The following LY75 variants were observed in gnomAD, a reference collection of about 807,000 sequenced individuals.
LY75 encodes the protein C-type lectin domain family 13 member B.
A neutral mutation model predicts 231.7 loss-of-function variants in LY75; 185 were observed. That is an observed-to-expected ratio of 0.80 (90% CI 0.71 to 0.90). LY75 has a LOEUF of 0.90. Among genes scored for constraint, LY75 ranks in the 40% least tolerant of loss-of-function variants. The pLI, the probability that LY75 is intolerant of heterozygous loss-of-function variation, is 0.00. For missense variants in LY75, 1,947 were observed against 2,050.2 expected, an observed-to-expected ratio of 0.95 and a Z score of 0.97; for synonymous variants, 668 against 689.0, an observed-to-expected ratio of 0.97 and a Z score of 0.48.
intron 1 of LY75, 106 bp downstream of exon 1, chr2:159,904,483 A>T: frequency 8.0e-7 from 1 of 1,246,970 alleles, no homozygotes; most frequent in East Asian, 3.2e-5. Context: ...ACAGCAAAGC[A>T]GCCGTGACCT....
At chr2:159,851,975 CA>C (rs1259883625) in intron 21 of LY75, among the ~76,000 whole-genome samples, 1 of 152,180 alleles carries the variant, frequency 6.6e-6, no homozygotes, top group Non-Finnish European at 1.5e-5. Context: ...TTAGTAGCAA[CA>C]AAATAGAAAT....
At chr2:159,813,608 A>G (rs1683031581) in intron 31 of LY75, among the ~76,000 whole-genome samples, 1 of 152,128 alleles carries the variant, frequency 6.6e-6, no homozygotes, top group African/African-American at 2.4e-5. Flanking sequence ...AGCCTTTGTC[A>G]TCACGTGGAC....
chr2:159,852,415 T>G lies in LY75; in HGVS notation c.2744-75A>C, dbSNP rs1434628360. The G allele has an allele frequency of 7.6e-6, 11 of 1,446,520 alleles. No homozygotes were observed. In the African/African-American group the frequency reaches 2.0e-4, roughly 26 times the overall value. 89.6% of individuals were successfully genotyped at this position (1,446,520 alleles called of 1,614,324 possible). On this transcript the variant is annotated intron_variant, in intron 20 of 34. Transcript: ENST00000263636. Reference sequence around the variant, plus strand: ...ACATTTTTATTTTGTTTTGTGTGTTTTTTTTTGTTTTTTTTTTTTTGAGAC... The same window carrying G: ...ACATTTTTATTTTGTTTTGTGTGTTGTTTTTTGTTTTTTTTTTTTTGAGAC...
intron 31 of LY75, among the ~76,000 whole-genome samples, chr2:159,814,690 A>T (rs1157709980): frequency 6.6e-6 from 1 of 151,268 alleles, no homozygotes; most frequent in Non-Finnish European, 1.5e-5. Context: ...TAAGAAAAGA[A>T]AAAAGAAAAG....
rs1207584829 is a variant in LY75, at chr2:159,804,748, T to C, written c.*296A>G. Reference sequence around the variant, plus strand: ...GTTAAAAATTCTATTAAAATATACATATCCTAGTTACCAATCACATTCATA... The same window carrying C: ...GTTAAAAATTCTATTAAAATATACACATCCTAGTTACCAATCACATTCATA... On this transcript the variant is annotated 3_prime_UTR_variant, in exon 35 of 35. Coordinates refer to ENST00000263636, the MANE Select transcript of LY75 (RefSeq NM_002349.4). The C allele has an allele frequency of 5.8e-6, 1 of 171,224 alleles. No homozygotes were observed. Among genetic ancestry groups the C allele is most frequent in the African/African-American group, 2.4e-5 (1 of 42,186 alleles). 10.6% of individuals were successfully genotyped at this position (171,224 alleles called of 1,614,324 possible).
Position 159,807,857 on chromosome 2 carries a change from T to TA in LY75, c.4822+591dup, listed in dbSNP as rs999013269. 479 of 984,236 alleles carry TA rather than the reference T, an allele frequency of 4.9e-4. 2 individuals carry two copies. The African/African-American group carries it at 7.9e-3, about 16-fold the overall frequency. 61.0% of individuals were successfully genotyped at this position (984,236 alleles called of 1,614,324 possible). On this transcript the variant is annotated intron_variant, in intron 33 of 34. Coordinates refer to ENST00000263636, the MANE Select transcript of LY75 (RefSeq NM_002349.4). ...AAACCCTGTATCTACTATTTCGTAT[T>TA]AAAAAATCCTTCCACAAATTTTCTT...
rs545499741 is a variant in LY75 at position 159,878,363 on chromosome 2, G to A, written c.1735C>T (p.Arg579Trp). Residue 579 changes from arginine (R) to tryptophan (W), a missense_variant, in exon 11 of 35, where the codon CGG (arginine) becomes TGG (tryptophan). Arg to Trp is a moderately radical substitution (Grantham distance 101). Coordinates refer to ENST00000263636, the MANE Select transcript of LY75 (RefSeq NM_002349.4). ...TTCCAGTTGGAAAAGGTTACAGCCC[G>A]CCTTCTTCCACCAACAGTTGCCCAG... ...YNWATVGGRR[R>W]AVTFSNWNFL... The A allele has an allele frequency of 2.0e-5, 32 of 1,613,856 alleles. No individual in the cohort carries two copies. Among genetic ancestry groups the A allele is most frequent in the Admixed American group, 1.2e-4 (7 of 59,982 alleles).
At chr2:159,863,273 G>A (rs944507562) in intron 14 of LY75, among the ~76,000 whole-genome samples, 5 of 152,142 alleles carry the variant, frequency 3.3e-5, no homozygotes, top group East Asian at 3.9e-4. Flanking sequence ...GTCACCCTCC[G>A]AGTATCTTAA....
intron 10 of LY75, 67 bp from the exon 11 acceptor site, chr2:159,878,560 T>C: frequency 6.2e-7 from 1 of 1,612,084 alleles, no homozygotes; most frequent in Non-Finnish European, 8.5e-7. Context: ...ATGCACCTTT[T>C]ACTTAGGAAG....
At chr2:159,880,077 G>A (rs1398585435) in intron 8 of LY75, among the ~76,000 whole-genome samples, 22 of 152,118 alleles carry the variant, frequency 1.4e-4, no homozygotes, top group Admixed American at 1.4e-3. Context: ...TTTAAATAGA[G>A]CATCAAATGT....
At chr2:159,814,729 A>G (rs927365037) in intron 31 of LY75, among the ~76,000 whole-genome samples, 2 of 151,620 alleles carry the variant, frequency 1.3e-5, no homozygotes, top group African/African-American at 2.4e-5. Flanking sequence ...AGAAAAGAAA[A>G]GAAACTCTCT....
chr2:159,815,789 A>C (rs988643249), intron 30 of LY75, among the ~76,000 whole-genome samples: 2 of 152,184 alleles, frequency 1.3e-5, no homozygotes, highest in Non-Finnish European at 2.9e-5. Context: ...AGAACTTTAA[A>C]CTTACAGACA....
chr2:159,848,105 T>TACACACACACACACACACAC (rs1412333259), intron 23 of LY75, among the ~76,000 whole-genome samples: 1 of 133,312 alleles, frequency 7.5e-6, no homozygotes. Flanking sequence ...CACACACACA[T>TACACACACACACACACACAC]ACACACACCA....
chr2:159,878,820 G>T, intron 9 of LY75, 99 bp from the exon 10 acceptor site: 1 of 1,329,584 alleles, frequency 7.5e-7, no homozygotes, highest in Non-Finnish European at 1.0e-6. Context: ...CTTAGAACTT[G>T]TGGAAATTGA....
chr2:159,901,576 G>T (rs1686080887), intron 1 of LY75, among the ~76,000 whole-genome samples: 1 of 152,162 alleles, frequency 6.6e-6, no homozygotes, highest in Non-Finnish European at 1.5e-5. Context: ...AATTTTTGTA[G>T]AATCCAATGG....
intron 29 of LY75, among the ~76,000 whole-genome samples, chr2:159,819,322 G>A (rs1017498785): frequency 2.6e-5 from 4 of 152,050 alleles, no homozygotes; most frequent in Non-Finnish European, 5.9e-5. Context: ...GTTAAAACTC[G>A]TTCCCCAAAC....
chr2:159,807,831 TA>T, intron 33 of LY75: 1 of 974,506 alleles, frequency 1.0e-6, no homozygotes, highest in Non-Finnish European at 1.2e-6. Context: ...CAAGTTCACC[TA>T]AACCCTGTAT....
chr2:159,903,701 CGGTGGAG>C (rs1054873907), intron 1 of LY75: 2 of 152,134 alleles, frequency 1.3e-5, no homozygotes, highest in African/African-American at 4.8e-5. Context: ...CAGAAGTGGC[CGGTGGAG>C]GGTGGCCCAT....
chr2:159,850,788 ATAT>A (rs1560080988), intron 21 of LY75, among the ~76,000 whole-genome samples: 3 of 106,812 alleles, frequency 2.8e-5, no homozygotes, highest in South Asian at 4.7e-4. Flanking sequence ...ATATATATAT[ATAT>A]ATATATATTA....
Sources: gnomAD v4.1 joint callset for allele counts (sites outside exome capture counted in the v4.1 genomes callset) on GRCh38, gnomAD v4.1.1 for gene constraint, MANE v1.5 for transcripts, NCBI Gene and HGNC (gene_info 2026-07-23, HGNC 2026-07-21) for gene names.